TENT5D: variants seen among roughly 807,000 people sequenced by gnomAD.
TENT5D encodes cancer/testis antigen 112.
For synonymous variants in TENT5D, 103 were observed against 100.6 expected, an observed-to-expected ratio of 1.02 and a Z score of -0.15; for missense variants, 191 against 287.0, an observed-to-expected ratio of 0.67 and a Z score of 2.42.
intron 3 of TENT5D, among the ~76,000 whole-genome samples, chrX:80,409,745 A>T (rs1358669310): frequency 3.7e-4 from 40 of 107,989 alleles, no homozygotes; most frequent in Admixed American, 5.0e-4. Flanking sequence ...GGAAAAAACT[A>T]CTTTAAAGTT....
At chrX:80,375,696 A>G (rs1930711254) in intron 3 of TENT5D, among the ~76,000 whole-genome samples, 1 of 111,769 alleles carries the variant, frequency 8.9e-6, no homozygotes, top group Non-Finnish European at 1.9e-5. Context: ...TGATGTTGAT[A>G]CAACTCATGT....
rs185506745 is a variant in TENT5D, at chrX:80,339,234, C to A, written c.-206-3266C>A. Among the ~76,000 whole-genome samples, 817 of 111,159 alleles carry A rather than the reference C, an allele frequency of 7.3e-3. 7 individuals are homozygous for A. The highest frequency in any genetic ancestry group is 0.024 in the African/African-American group (747 of 30,592). On this transcript the variant is annotated intron_variant, in intron 2 of 4. Transcript: ENST00000538312. ...AGCAGAATCACAAATAAGACCACTT[C>A]TGTTGCTTGGTTTCTATAGCTCAGG...
chrX:80,393,816 T>G (rs1309745979), intron 3 of TENT5D, among the ~76,000 whole-genome samples: 1 of 112,046 alleles, frequency 8.9e-6, no homozygotes, highest in Admixed American at 9.5e-5. Context: ...ATTTGTTTTT[T>G]TGTGTGTGTT....
At chrX:80,359,668 G>A (rs745967496) in intron 3 of TENT5D, among the ~76,000 whole-genome samples, 10 of 111,288 alleles carry the variant, frequency 9.0e-5, no homozygotes, top group Non-Finnish European at 1.9e-4. Context: ...TATAGCATTA[G>A]GAGAAATACC....
exon 3 of TENT5D, chrX:80,442,821 C>T (rs372350027): frequency 1.9e-5 from 23 of 1,209,100 alleles, no homozygotes; most frequent in Admixed American, 4.4e-5. Context: ...TTCCAGGTAA[C>T]GAAGAATTTC....
chrX:80,424,838 TTAGA>T (rs1256700430), intron 1 of TENT5D, among the ~76,000 whole-genome samples: 2 of 112,648 alleles, frequency 1.8e-5, no homozygotes, highest in East Asian at 2.8e-4. Flanking sequence ...ACAAGGAATC[TTAGA>T]TAGGACTTTT....
At chrX:80,385,577 C>G (rs1930977794) in intron 3 of TENT5D, among the ~76,000 whole-genome samples, 1 of 111,915 alleles carries the variant, frequency 8.9e-6, no homozygotes, top group South Asian at 3.7e-4. Context: ...CAAATGGGAT[C>G]TAATTAAACT....
intron 3 of TENT5D, among the ~76,000 whole-genome samples, chrX:80,357,472 T>C (rs1930309067): frequency 9.1e-6 from 1 of 109,953 alleles, no homozygotes; most frequent in African/African-American, 3.3e-5. Flanking sequence ...TGTGAGATGG[T>C]ATCTCATTGT....
intron 3 of TENT5D, among the ~76,000 whole-genome samples, chrX:80,363,611 G>T (rs1272761926): frequency 8.9e-6 from 1 of 112,005 alleles, no homozygotes; most frequent in Non-Finnish European, 1.9e-5. Context: ...TCGAAACACT[G>T]TTCTTTATGA....
At chrX:80,385,419 A>G (rs1930974167) in intron 3 of TENT5D, among the ~76,000 whole-genome samples, 1 of 111,909 alleles carries the variant, frequency 8.9e-6, no homozygotes, top group Admixed American at 9.5e-5. Flanking sequence ...ACAAAAATCA[A>G]TTCAAGATGG....
intron 3 of TENT5D, among the ~76,000 whole-genome samples, chrX:80,390,968 C>T (rs770237606): frequency 7.2e-5 from 8 of 111,801 alleles, no homozygotes; most frequent in Non-Finnish European, 1.5e-4. Flanking sequence ...AGAGAAAGAA[C>T]AACTATGAAA....
At chrX:80,418,762 A>AT (rs1432008635), upstream of TENT5D, among the ~76,000 whole-genome samples, 3 of 111,890 alleles carry the variant, frequency 2.7e-5, no homozygotes, top group Non-Finnish European at 5.6e-5. Flanking sequence ...AATTTGACCT[A>AT]TATCTGATAT....
intron 3 of TENT5D, among the ~76,000 whole-genome samples, chrX:80,353,661 T>G (rs942573262): frequency 2.7e-5 from 3 of 112,535 alleles, no homozygotes; most frequent in Non-Finnish European, 3.8e-5. Flanking sequence ...TACCCCATTT[T>G]TTAATCCAGT....
At chrX:80,412,597 C>G (rs915263905) in intron 3 of TENT5D, among the ~76,000 whole-genome samples, 2 of 111,700 alleles carry the variant, frequency 1.8e-5, no homozygotes, top group African/African-American at 6.5e-5. Flanking sequence ...TAAATCATCT[C>G]TCTCAAGTTC....
chrX:80,406,184 G>A (rs905571189), intron 3 of TENT5D, among the ~76,000 whole-genome samples: 24 of 112,015 alleles, frequency 2.1e-4, no homozygotes, highest in African/African-American at 7.2e-4. Context: ...ACTCTAAAAC[G>A]CAGAGCACCT....
intron 3 of TENT5D, among the ~76,000 whole-genome samples, chrX:80,380,936 T>C (rs1252223204): frequency 8.9e-6 from 1 of 111,978 alleles, no homozygotes; most frequent in Non-Finnish European, 1.9e-5. Flanking sequence ...TGTCTTTTAA[T>C]TGGGGCATTT....
chrX:80,399,760 A>G (rs778759409), intron 3 of TENT5D, among the ~76,000 whole-genome samples: 1 of 112,507 alleles, frequency 8.9e-6, no homozygotes, highest in East Asian at 2.8e-4. Flanking sequence ...AGCACCAATA[A>G]TGATTAGCTT....
chrX:80,350,350 A>G (rs1487962344), intron 3 of TENT5D, among the ~76,000 whole-genome samples: 1 of 111,425 alleles, frequency 9.0e-6, no homozygotes, highest in Non-Finnish European at 1.9e-5. Flanking sequence ...GTGCATATTT[A>G]TTTAGGTTAG....
intron 3 of TENT5D, among the ~76,000 whole-genome samples, chrX:80,370,784 A>T (rs901978703): frequency 1.8e-5 from 2 of 111,800 alleles, no homozygotes; most frequent in Admixed American, 9.5e-5. Flanking sequence ...GCAATAAAAG[A>T]TAAATAAGAT....
Sources: gnomAD v4.1 joint callset for allele counts (sites outside exome capture counted in the v4.1 genomes callset) on GRCh38, gnomAD v4.1.1 for gene constraint, MANE v1.5 for transcripts, NCBI Gene and HGNC (gene_info 2026-07-23, HGNC 2026-07-21) for gene names.